The following OCRL variants were observed in gnomAD, a reference collection of about 807,000 sequenced individuals.
OCRL encodes OCRL inositol polyphosphate-5-phosphatase, also known as inositol polyphosphate 5-phosphatase OCRL.
A neutral mutation model predicts 78.9 loss-of-function variants in OCRL; 8 were observed. That is an observed-to-expected ratio of 0.10 (90% CI 0.06 to 0.18). The LOEUF (loss-of-function observed/expected upper bound fraction) is 0.18, where lower values mean the gene tolerates loss of function less well. Ranked by LOEUF, OCRL falls within the 10% of genes least tolerant of loss-of-function variation. The pLI, the probability that OCRL is intolerant of heterozygous loss-of-function variation, is 1.00. For missense variants in OCRL, 454 were observed against 696.7 expected (o/e 0.65, Z 3.92); for synonymous variants, 240 against 235.4 (o/e 1.02, Z -0.18).
rs137853831 is a variant in OCRL, at chrX:129,562,453, C to T, written c.1009C>T (p.Arg337Cys). Residue 337 changes from arginine (R) to cysteine (C), a missense_variant, in exon 11 of 24, where the codon CGT (arginine) becomes TGT (cysteine). Arg to Cys is a radical substitution (Grantham distance 180). Transcript: ENST00000371113. ...CAGAAAGGATCAGTGTCGATACATT[C>T]GTGATATTGCTACAGAAACAGTTGG... is the stretch of plus-strand genomic sequence containing the variant. ...FARKDQCRYI[R>C]DIATETVGTG... The T allele has an allele frequency of 3.3e-6, 4 of 1,207,887 alleles. No individual in the cohort carries two copies. The highest frequency in any genetic ancestry group is 2.2e-5 in the Admixed American group (1 of 45,696).
chrX:129,579,243 A>G (rs1432077915), intron 18 of OCRL, among the ~76,000 whole-genome samples: 1 of 111,726 alleles, frequency 9.0e-6, no homozygotes, highest in African/African-American at 3.3e-5. Context: ...AAATCTAAAA[A>G]CAATTAGTAT....
intron 14 of OCRL, among the ~76,000 whole-genome samples, chrX:129,567,902 C>CTTTT (rs56035022): frequency 1.4e-4 from 13 of 91,393 alleles, no homozygotes; most frequent in Non-Finnish European, 2.2e-4. Context: ...TTAGTAGACC[C>CTTTT]TTTTTTTTTT....
rs925830536 is a variant in OCRL, at chrX:129,588,883, C to G, written c.2342-3C>G. 1 of 1,211,331 alleles carries G rather than the reference C, an allele frequency of 8.3e-7. No homozygotes were observed. On this transcript the variant is annotated splice_polypyrimidine_tract_variant and splice_region_variant and intron_variant, in intron 21 of 23. Coordinates refer to ENST00000371113, the MANE Select transcript of OCRL (RefSeq NM_000276.4). Reference sequence around the variant, plus strand: ...TCCTTTCCCTTGACTTAAGTTGATTCAGCTGGCAGCAACCACTCTGTGGCT... The same window carrying G: ...TCCTTTCCCTTGACTTAAGTTGATTGAGCTGGCAGCAACCACTCTGTGGCT...
intron 4 of OCRL, among the ~76,000 whole-genome samples, chrX:129,555,170 A>G (rs953343260): frequency 1.8e-5 from 2 of 108,593 alleles, no homozygotes; most frequent in Non-Finnish European, 3.8e-5. Flanking sequence ...CCTGGGTTCA[A>G]TATTGTTTTT....
At chrX:129,554,984 T>TA (rs1193033665) in intron 4 of OCRL, among the ~76,000 whole-genome samples, 5 of 104,213 alleles carry the variant, frequency 4.8e-5, no homozygotes, top group African/African-American at 1.7e-4. Context: ...AATAAATAAA[T>TA]AAATAAATAA....
intron 14 of OCRL, among the ~76,000 whole-genome samples, chrX:129,568,815 G>T (rs1030800901): frequency 1.8e-5 from 2 of 112,511 alleles, no homozygotes; most frequent in African/African-American, 6.5e-5. Flanking sequence ...AGGAAGAGAA[G>T]ATTGGAGTTT....
intron 14 of OCRL, among the ~76,000 whole-genome samples, chrX:129,567,941 C>G (rs1397699385): frequency 3.1e-5 from 3 of 95,658 alleles, no homozygotes; most frequent in Non-Finnish European, 6.1e-5. Flanking sequence ...GAGTCTCGCT[C>G]TGTCGCCCAG....
At chrX:129,566,214 C>A (rs1166186370) in intron 13 of OCRL, among the ~76,000 whole-genome samples, 1 of 111,858 alleles carries the variant, frequency 8.9e-6, no homozygotes, top group Non-Finnish European at 1.9e-5. Flanking sequence ...AGTGGGCCTT[C>A]AGCTATGTTG....
chrX:129,584,336 G>A lies in OCRL; in HGVS notation c.2116-8G>A, dbSNP rs200580480. 1.0e-5 allele frequency: 12 copies of A among 1,204,014 alleles called. No individual in the cohort carries two copies. In the East Asian group the frequency reaches 1.2e-4, roughly 12 times the overall value. On this transcript the variant is annotated splice_region_variant and splice_polypyrimidine_tract_variant and intron_variant, in intron 18 of 23. Transcript: ENST00000371113. ...GTCAATGACTTTCTTTTCCTGCTCC[G>A]CTCTCAGGAAGAAGACAGCTTCCTA... is the stretch of plus-strand genomic sequence containing the variant.
intron 4 of OCRL, among the ~76,000 whole-genome samples, chrX:129,556,502 C>T (rs773921220): frequency 2.0e-4 from 22 of 111,952 alleles, no homozygotes; most frequent in African/African-American, 7.1e-4. Context: ...CATGAGAAAA[C>T]AACGTATGTA....
In OCRL at chrX:129,548,544, CT is replaced by C. The variant is rs765652296; in HGVS notation, c.200-11del. 12 of 1,185,992 alleles carry C rather than the reference CT, an allele frequency of 1.0e-5. No individual in the cohort carries two copies. Among genetic ancestry groups the C allele is most frequent in the South Asian group, 1.8e-5 (1 of 56,357 alleles). ...GTTTTCTCTTCCCTAATCCTACTCT[CT>C]TTTTTTTCCCCTCTCAGAAGCAGAA... On this transcript the variant is annotated intron_variant, in intron 3 of 23. Coordinates refer to ENST00000371113, the MANE Select transcript of OCRL (RefSeq NM_000276.4).
rs1936571705 is a variant in OCRL, at chrX:129,590,353, A to G, written c.*83A>G. ...AGAATGATTTAAAAAGTCATGCCAC[A>G]GGAAGGGTCTATTGCAGAATTTCAA... On this transcript the variant is annotated 3_prime_UTR_variant, in exon 24 of 24. Transcript: ENST00000371113. The G allele has an allele frequency of 8.9e-7, 1 of 1,118,474 alleles. No homozygotes were observed. Among genetic ancestry groups the G allele is most frequent in the East Asian group, 3.0e-5 (1 of 33,475 alleles). 92.2% of individuals were successfully genotyped at this position (1,118,474 alleles called of 1,213,427 possible). A position where few individuals can be genotyped will look rare whatever the true frequency, so the allele number is the denominator to read the frequency against.
At chrX:129,588,331 T>A (rs1391043963) in intron 21 of OCRL, 68 bp downstream of exon 21, 1 of 761,927 alleles carries the variant, frequency 1.3e-6, no homozygotes, top group Non-Finnish European at 2.0e-6. Flanking sequence ...CGCACCTATA[T>A]TTGATTTTTG....
At chrX:129,589,397 G>C (rs1407295360) in intron 22 of OCRL, 1 of 280,284 alleles carries the variant, frequency 3.6e-6, no homozygotes, top group Non-Finnish European at 6.5e-6. Context: ...TGATTTTAAT[G>C]CACAGTAGCT....
chrX:129,573,764 T>C (rs1936333021), intron 15 of OCRL, among the ~76,000 whole-genome samples: 1 of 111,199 alleles, frequency 9.0e-6, no homozygotes, highest in African/African-American at 3.3e-5. Context: ...TTCACCGTGT[T>C]GGCTGGGGTG....
chrX:129,542,905 G>C (rs979728174), intron 2 of OCRL, among the ~76,000 whole-genome samples: 1 of 111,669 alleles, frequency 9.0e-6, no homozygotes, highest in Non-Finnish European at 1.9e-5. Context: ...TAGGTCTGTG[G>C]TTCCTACTGT....
rs1936360627 is a variant in OCRL at position 129,575,758 on chromosome X, TGG to T, written c.1714-138_1714-137del. On this transcript the variant is annotated intron_variant, in intron 16 of 23. Transcript: ENST00000371113. ...TACATGCAAGTGGATGTTGTGAAGT[TGG>T]TTCAGTTGGTGAATGTCTATGGCAT... The T allele has an allele frequency of 1.2e-5, 8 of 642,030 alleles. No homozygotes were observed. In the East Asian group the frequency reaches 2.3e-4, roughly 19 times the overall value. 52.9% of individuals were successfully genotyped at this position (642,030 alleles called of 1,213,427 possible). A position where few individuals can be genotyped will look rare whatever the true frequency, so the allele number is the denominator to read the frequency against.
At chrX:129,587,257 G>A in intron 20 of OCRL, 139 bp downstream of exon 20, 1 of 519,351 alleles carries the variant, frequency 1.9e-6, no homozygotes, top group Non-Finnish European at 3.5e-6. Flanking sequence ...CGACTGGGTG[G>A]GTGGAAGTGT....
At chrX:129,588,607 C>T (rs780869757) in intron 21 of OCRL, among the ~76,000 whole-genome samples, 2 of 111,832 alleles carry the variant, frequency 1.8e-5, no homozygotes, top group African/African-American at 6.5e-5. Flanking sequence ...AACATGGGCA[C>T]CTGGTTTATA....
Sources: allele counts gnomAD v4.1 joint callset (sites outside exome capture counted in the v4.1 genomes callset), GRCh38; gene constraint gnomAD v4.1.1; transcripts MANE v1.5; gene names NCBI Gene and HGNC (gene_info 2026-07-23, HGNC 2026-07-21).